Variants in SEMA3A observed in about 807,000 individuals in gnomAD.
SEMA3A encodes the protein semaphorin-3A.
Under a neutral mutation model 97.9 loss-of-function variants are expected in SEMA3A, and 29 were observed. The ratio of observed to expected loss-of-function variants is 0.30; its 90% CI spans 0.22 to 0.40. The LOEUF is 0.40. Ranked by LOEUF, SEMA3A falls within the 10% of genes least tolerant of loss-of-function variation. The pLI is 1.00. For synonymous variants in SEMA3A, 321 were observed against 323.7 expected (o/e 0.99, Z 0.09); for missense variants, 763 against 951.3 (o/e 0.80, Z 2.60).
intron 3 of SEMA3A, among the ~76,000 whole-genome samples, chr7:84,283,502 A>C (rs1381175759): frequency 6.6e-6 from 1 of 152,148 alleles, no homozygotes; most frequent in East Asian, 1.9e-4. Context: ...GTGAAACATA[A>C]AGAGGACCAA....
intron 3 of SEMA3A, among the ~76,000 whole-genome samples, chr7:84,292,178 A>G (rs1010091117): frequency 1.3e-5 from 2 of 152,118 alleles, no homozygotes; most frequent in African/African-American, 4.8e-5. Context: ...TCAAATCTTT[A>G]CAAAAGAAAA....
At chr7:84,379,898 C>A (rs1415964030) in intron 1 of SEMA3A, among the ~76,000 whole-genome samples, 1 of 152,054 alleles carries the variant, frequency 6.6e-6, no homozygotes, top group Non-Finnish European at 1.5e-5. Flanking sequence ...CATACAATGG[C>A]TAAAAATATA....
intron 1 of SEMA3A, among the ~76,000 whole-genome samples, chr7:84,480,702 C>T (rs2116432288): frequency 6.6e-6 from 1 of 152,152 alleles, no homozygotes; most frequent in South Asian, 2.1e-4. Context: ...TTGGAAGTGT[C>T]CTCTTTTTAA....
At chr7:84,407,134 T>C (rs971095577) in intron 1 of SEMA3A, among the ~76,000 whole-genome samples, 2 of 152,198 alleles carry the variant, frequency 1.3e-5, no homozygotes, top group African/African-American at 2.4e-5. Context: ...GATGACATGA[T>C]TGTATATCTG....
intron 1 of SEMA3A, among the ~76,000 whole-genome samples, chr7:84,426,604 C>A (rs760975819): frequency 6.3e-4 from 96 of 152,168 alleles, no homozygotes; most frequent in Admixed American, 1.7e-3. Flanking sequence ...TTTCTCTACT[C>A]CTACCATTAA....
intron 1 of SEMA3A, among the ~76,000 whole-genome samples, chr7:84,401,625 T>G (rs893772090): frequency 6.6e-6 from 1 of 152,110 alleles, no homozygotes; most frequent in African/African-American, 2.4e-5. Context: ...AAAGCTATAG[T>G]AATGAAAACA....
Position 84,082,782 on chromosome 7 carries a change from A to G in SEMA3A, c.454-22224T>C, listed in dbSNP as rs188096377. On this transcript the variant is annotated intron_variant, in intron 4 of 16. Transcript: ENST00000265362. The stretch of plus-strand genomic sequence containing the variant: ...ACTGCTATTATTCAAACTCAAAAAA[A>G]GTAGAAAAACTACATTTTGGCTTTG... 1.6e-3 allele frequency among the ~76,000 whole-genome samples: 240 copies of G among 152,106 alleles called. 1 individual carries two copies. Among genetic ancestry groups the G allele is most frequent in the African/African-American group, 5.5e-3 (228 of 41,566 alleles).
At chr7:84,034,587 A>C (rs1165632948) in intron 6 of SEMA3A, among the ~76,000 whole-genome samples, 6 of 152,140 alleles carry the variant, frequency 3.9e-5, no homozygotes, top group African/African-American at 1.4e-4. Flanking sequence ...TATTTCAAAT[A>C]TTTACTTCTG....
intron 1 of SEMA3A, among the ~76,000 whole-genome samples, chr7:84,153,373 T>C (rs1796738781): frequency 6.6e-6 from 1 of 152,180 alleles, no homozygotes; most frequent in Non-Finnish European, 1.5e-5. Context: ...CTATCAGTAG[T>C]TCACTTATAA....
intron 1 of SEMA3A, among the ~76,000 whole-genome samples, chr7:84,401,379 T>C (rs1461132538): frequency 6.6e-6 from 1 of 152,068 alleles, no homozygotes; most frequent in Non-Finnish European, 1.5e-5. Context: ...TGGAAAAATA[T>C]TCCATTTTCA....
At chr7:84,155,698 C>T (rs1796825836) in intron 1 of SEMA3A, among the ~76,000 whole-genome samples, 1 of 152,036 alleles carries the variant, frequency 6.6e-6, no homozygotes, top group African/African-American at 2.4e-5. Context: ...TCCAGTAAAA[C>T]AGAATTTAAA....
intron 1 of SEMA3A, among the ~76,000 whole-genome samples, chr7:84,139,494 G>A (rs548360925): frequency 6.6e-6 from 1 of 152,182 alleles, no homozygotes; most frequent in African/African-American, 2.4e-5. Flanking sequence ...AAAGGATTTA[G>A]TGTGTTTATG....
chr7:84,141,843 A>G (rs1796303149), intron 1 of SEMA3A, among the ~76,000 whole-genome samples: 1 of 152,074 alleles, frequency 6.6e-6, no homozygotes, highest in Admixed American at 6.6e-5. Flanking sequence ...AACTCCATCC[A>G]TGTCCCTGCA....
chr7:84,286,479 T>C (rs888942586), intron 3 of SEMA3A, among the ~76,000 whole-genome samples: 5 of 152,188 alleles, frequency 3.3e-5, no homozygotes, highest in Admixed American at 3.3e-4. Context: ...TATGAGTCTC[T>C]AGGAAAGAAA....
At chr7:84,197,288 G>A (rs932786865), upstream of SEMA3A, among the ~76,000 whole-genome samples, 2 of 151,974 alleles carry the variant, frequency 1.3e-5, no homozygotes, top group African/African-American at 4.8e-5. Context: ...ATGTTTAAAA[G>A]TTTCATAGGT....
In SEMA3A at chr7:84,350,066, T is replaced by A. The variant is rs573241924; in HGVS notation, c.-169+21758A>T. On this transcript the variant is annotated intron_variant, in intron 2 of 3. Coordinates refer to the SEMA3A transcript ENST00000424555. ...GTGTTCCCTATTTTGGTATCACGTCTGTTCTGACACAAAGCCAGAAAACTA... is the reference window on the plus strand; with the variant it reads ...GTGTTCCCTATTTTGGTATCACGTCAGTTCTGACACAAAGCCAGAAAACTA... Among the ~76,000 whole-genome samples, 16 of 152,304 alleles carry A rather than the reference T, an allele frequency of 1.1e-4. No homozygotes were observed. In the South Asian group the frequency reaches 3.3e-3, roughly 32 times the overall value.
intron 1 of SEMA3A, among the ~76,000 whole-genome samples, chr7:84,160,111 T>C (rs1175615973): frequency 6.6e-6 from 1 of 152,152 alleles, no homozygotes; most frequent in African/African-American, 2.4e-5. Flanking sequence ...ATATATATTC[T>C]TAAGAATTAT....
intron 3 of SEMA3A, among the ~76,000 whole-genome samples, chr7:84,128,045 GC>G (rs1383805134): frequency 6.6e-6 from 1 of 151,912 alleles, no homozygotes; most frequent in Non-Finnish European, 1.5e-5. Context: ...CATGGTCTGT[GC>G]AAATACTGGG....
rs755489133 is a variant in SEMA3A at position 83,981,385 on chromosome 7, C to A, written c.1588G>T (p.Ala530Ser). The part of the protein sequence containing the change: ...YGKACAECCL[A>S]RDPYCAWDGS... The stretch of plus-strand genomic sequence containing the variant: ...TCCCAAGCACAGTAAGGGTCTCGGG[C>A]GAGGCAACACTCAGCACACGCTTTC... The change falls in exon 14 of 17, where the codon GCC (alanine) becomes TCC (serine). Residue 530 changes from alanine to serine, a missense_variant. Around this residue, in one of 2 missense-constraint regions of SEMA3A, gnomAD observed 678 missense variants for 881.3 expected, o/e 0.77. Coordinates refer to ENST00000265362, the MANE Select transcript of SEMA3A (RefSeq NM_006080.3). 25 of 1,613,724 alleles carry A rather than the reference C, an allele frequency of 1.5e-5. No individual in the cohort carries two copies. The highest frequency in any genetic ancestry group is 2.0e-5 in the Non-Finnish European group (24 of 1,179,932).
Sources: allele counts gnomAD v4.1 joint callset (sites outside exome capture counted in the v4.1 genomes callset), GRCh38; gene constraint gnomAD v4.1.1; regional missense constraint gnomAD v4.1.1; transcripts MANE v1.5; gene names NCBI Gene and HGNC (gene_info 2026-07-23, HGNC 2026-07-21).